The following CYB5R4 variants were observed in gnomAD, a reference collection of about 807,000 sequenced individuals.
CYB5R4 encodes the protein cytochrome b5 reductase 4.
A neutral mutation model predicts 70.2 loss-of-function variants in CYB5R4; 55 were observed. The observed-to-expected ratio is 0.78, with a 90% confidence interval of 0.63 to 0.98. The LOEUF (loss-of-function observed/expected upper bound fraction) is 0.98. CYB5R4 is among the 50% of genes least tolerant of loss of function. The pLI is 0.00. For synonymous variants in CYB5R4, 197 were observed against 199.5 expected (o/e 0.99, Z 0.11); for missense variants, 562 against 612.6 (o/e 0.92, Z 0.87).
At chr6:83,893,982 T>C (rs747160632) in intron 3 of CYB5R4, among the ~76,000 whole-genome samples, 4 of 152,206 alleles carry the variant, frequency 2.6e-5, no homozygotes, top group Non-Finnish European at 5.9e-5. Context: ...TGAATCACTT[T>C]AAACAAGTAA....
chr6:83,907,910 G>C (rs1016043475), intron 3 of CYB5R4, among the ~76,000 whole-genome samples: 1 of 152,098 alleles, frequency 6.6e-6, no homozygotes, highest in African/African-American at 2.4e-5. Context: ...CCATGTCTTT[G>C]CTATTGTGAA....
At chr6:83,938,896 G>A (rs961534338) in intron 12 of CYB5R4, among the ~76,000 whole-genome samples, 10 of 151,282 alleles carry the variant, frequency 6.6e-5, no homozygotes, top group Non-Finnish European at 1.2e-4. Context: ...CAGTGGCATC[G>A]CAATCTCGGC....
At chr6:83,873,731 A>G (rs2129129668) in intron 2 of CYB5R4, among the ~76,000 whole-genome samples, 1 of 152,282 alleles carries the variant, frequency 6.6e-6, no homozygotes, top group East Asian at 1.9e-4. Flanking sequence ...ATACAAATTT[A>G]AAATAGAGAT....
At chr6:83,943,272 A>C (rs1474395670) in intron 14 of CYB5R4, among the ~76,000 whole-genome samples, 2 of 152,314 alleles carry the variant, frequency 1.3e-5, no homozygotes, top group Admixed American at 1.3e-4. Context: ...AGGAACAGGC[A>C]GCAATCTTTG....
intron 4 of CYB5R4, among the ~76,000 whole-genome samples, chr6:83,914,214 T>C (rs2099465128): frequency 6.6e-6 from 1 of 151,942 alleles, no homozygotes. Flanking sequence ...TCTGGAGAAA[T>C]ATGGTCTGGC....
chr6:83,911,873 G>A (rs1165868034), intron 4 of CYB5R4, among the ~76,000 whole-genome samples: 1 of 151,606 alleles, frequency 6.6e-6, no homozygotes, highest in African/African-American at 2.4e-5. Context: ...GCGAAACCCT[G>A]TCTCTACAAA....
Position 83,919,458 on chromosome 6 carries a change from AAT to A in CYB5R4, c.564+7_564+8del, listed in dbSNP as rs2099466019. 1 of 1,444,876 alleles carries A rather than the reference AAT, an allele frequency of 6.9e-7. No individual in the cohort carries two copies. The highest frequency in any genetic ancestry group is 1.4e-5 in the African/African-American group (1 of 69,336). The allele number at this position is 1,444,876 out of a possible 1,614,324, so 89.5% of individuals were successfully genotyped here. On this transcript the variant is annotated splice_donor_5th_base_variant and intron_variant, in intron 7 of 15. Transcript: ENST00000369681. ...TGCCATATATACTAAACAGAAGGTA[AAT>A]ATGTCTTTAAAATCAGAAAAGAAGA...
intron 4 of CYB5R4, among the ~76,000 whole-genome samples, chr6:83,910,657 G>A (rs989640276): frequency 5.3e-5 from 8 of 152,186 alleles, no homozygotes; most frequent in Admixed American, 2.0e-4. Context: ...TTGAACATGT[G>A]TATATTCATG....
chr6:83,940,078 TCCTGAGGGCAATTTTAA>T lies in CYB5R4; in HGVS notation c.1132_1148del (p.Pro378AsnfsTer24), dbSNP rs759941934. On this transcript the variant is annotated frameshift_variant, in exon 13 of 16. Transcript: ENST00000369681. LOFTEE classifies it high-confidence loss of function. Reference sequence around the variant, plus strand: ...TAGGAGATTTTGTTTCTGTAAGCAGTCCTGAGGGCAATTTTAAAATATCCAAGTTCCAAGAATTAGAA... The same window carrying T: ...TAGGAGATTTTGTTTCTGTAAGCAGTAATATCCAAGTTCCAAGAATTAGAA... 1.9e-6 allele frequency: 3 copies of T among 1,609,536 alleles called. No homozygotes were observed. Among genetic ancestry groups the T allele is most frequent in the Non-Finnish European group, 2.5e-6 (3 of 1,177,360 alleles).
chr6:83,948,774 C>G (rs2099471067), intron 14 of CYB5R4, among the ~76,000 whole-genome samples: 1 of 151,900 alleles, frequency 6.6e-6, no homozygotes, highest in East Asian at 1.9e-4. Context: ...TCGTTTTGAT[C>G]TACATAATTT....
rs2099473035 is a variant in CYB5R4 at position 83,959,735 on chromosome 6, A to G, written c.1512-89A>G. The G allele has an allele frequency of 6.2e-6, 7 of 1,122,258 alleles. No homozygotes were observed. In the South Asian group the frequency reaches 1.1e-4, roughly 17 times the overall value. 69.5% of individuals were successfully genotyped at this position (1,122,258 alleles called of 1,614,324 possible). ...ACATAGTGAATGGGGAAAATGAAAA[A>G]GTATCATGATTATGGTGGTAAACTG... is the stretch of plus-strand genomic sequence containing the variant. On this transcript the variant is annotated intron_variant, in intron 15 of 15. Transcript: ENST00000369681.
At chr6:83,904,693 T>C (rs1052245231) in intron 3 of CYB5R4, among the ~76,000 whole-genome samples, 1 of 152,238 alleles carries the variant, frequency 6.6e-6, no homozygotes, top group Non-Finnish European at 1.5e-5. Flanking sequence ...ACTTTGCTTT[T>C]GAATGTGTTT....
At chr6:83,903,306 G>A (rs2099463290) in intron 3 of CYB5R4, among the ~76,000 whole-genome samples, 1 of 152,036 alleles carries the variant, frequency 6.6e-6, no homozygotes. Flanking sequence ...TTCTGTTGAT[G>A]TGATGTATCA....
At chr6:83,863,825 A>G (rs1322764640) in intron 1 of CYB5R4, among the ~76,000 whole-genome samples, 7 of 152,194 alleles carry the variant, frequency 4.6e-5, no homozygotes, top group African/African-American at 1.7e-4. Context: ...TAATCTAGAG[A>G]TTATTTAAAG....
intron 2 of CYB5R4, among the ~76,000 whole-genome samples, chr6:83,879,322 T>C (rs2099459090): frequency 6.6e-6 from 1 of 152,108 alleles, no homozygotes; most frequent in South Asian, 2.1e-4. Context: ...AGAGTATCAG[T>C]GTTTTGTATT....
At chr6:83,904,881 G>C (rs969890074) in intron 3 of CYB5R4, among the ~76,000 whole-genome samples, 4 of 151,936 alleles carry the variant, frequency 2.6e-5, no homozygotes, top group Non-Finnish European at 5.9e-5. Context: ...TCTTTTTCTA[G>C]GATTTCATAA....
At chr6:83,868,692 C>G (rs1159446392) in intron 2 of CYB5R4, among the ~76,000 whole-genome samples, 2 of 152,170 alleles carry the variant, frequency 1.3e-5, no homozygotes, top group Admixed American at 6.6e-5. Flanking sequence ...CTCTCTTTCT[C>G]AAGAACTAAA....
intron 1 of CYB5R4, among the ~76,000 whole-genome samples, chr6:83,860,364 A>G (rs1156294972): frequency 2.0e-5 from 3 of 152,106 alleles, no homozygotes; most frequent in African/African-American, 7.2e-5. Flanking sequence ...GTTTACAGAC[A>G]CTATCCAAGA....
chr6:83,955,243 G>A, intron 14 of CYB5R4, 55 bp from the exon 15 acceptor site: 1 of 1,356,966 alleles, frequency 7.4e-7, no homozygotes, highest in Non-Finnish European at 1.0e-6. Flanking sequence ...CTTGAAACAT[G>A]TTAATAATAT....
Sources: gnomAD v4.1 joint callset for allele counts (sites outside exome capture counted in the v4.1 genomes callset) on GRCh38, gnomAD v4.1.1 for gene constraint, MANE v1.5 for transcripts, NCBI Gene and HGNC (gene_info 2026-07-23, HGNC 2026-07-21) for gene names.